Variants in ASNS observed in about 807,000 individuals in gnomAD.
ASNS encodes asparagine synthetase [glutamine-hydrolyzing].
Under a neutral mutation model 62.6 loss-of-function variants are expected in ASNS, and 37 were observed. That is an observed-to-expected ratio of 0.59 (90% CI 0.45 to 0.78). ASNS has a LOEUF of 0.78. ASNS is among the 30% of genes least tolerant of loss of function. The pLI, the probability that ASNS is intolerant of heterozygous loss-of-function variation, is 0.00. For synonymous variants in ASNS, 207 were observed against 237.9 expected (o/e 0.87, Z 1.19); for missense variants, 520 against 682.4 (o/e 0.76, Z 2.65).
intron 2 of ASNS, among the ~76,000 whole-genome samples, chr7:97,869,458 G>T (rs1366024992): frequency 6.6e-6 from 1 of 152,132 alleles, no homozygotes; most frequent in Non-Finnish European, 1.5e-5. Context: ...GGATTTAGTG[G>T]TTGGCTAGAG....
chr7:97,880,458 C>G, the ASNS span, among the ~76,000 whole-genome samples: 17 of 152,244 alleles, frequency 1.1e-4, no homozygotes, highest in South Asian at 2.1e-4. Flanking sequence ...TGAAACAGCC[C>G]AGTGGTCAGC....
the ASNS span, among the ~76,000 whole-genome samples, chr7:97,883,024 T>G: frequency 2.0e-5 from 3 of 152,210 alleles, no homozygotes; most frequent in South Asian, 6.2e-4. Context: ...GGAAGCAAGC[T>G]GGGAGTCAAC....
chr7:97,868,800 T>G, intron 3 of ASNS, 108 bp downstream of exon 3: 1 of 1,481,400 alleles, frequency 6.8e-7, no homozygotes, highest in Non-Finnish European at 9.1e-7. Context: ...ATAACGAACA[T>G]AGAGTGCTTT....
chr7:97,917,374 G>A, the ASNS span, among the ~76,000 whole-genome samples: 3 of 152,202 alleles, frequency 2.0e-5, no homozygotes, highest in Non-Finnish European at 4.4e-5. Context: ...AAGCCCATAT[G>A]CCTTACAGAG....
chr7:97,910,780 T>G, the ASNS span, among the ~76,000 whole-genome samples: 1 of 152,176 alleles, frequency 6.6e-6, no homozygotes, highest in East Asian at 1.9e-4. Context: ...TTTTGTATTT[T>G]TAATAGAGAC....
intron 9 of ASNS, 144 bp from the exon 10 acceptor site, chr7:97,854,824 A>G: frequency 6.9e-7 from 1 of 1,443,042 alleles, no homozygotes. Flanking sequence ...AGAGGTAAGC[A>G]ATGCTTCACA....
chr7:97,907,361 GTCT>G, the ASNS span, among the ~76,000 whole-genome samples: 1 of 152,184 alleles, frequency 6.6e-6, no homozygotes, highest in Non-Finnish European at 1.5e-5. Flanking sequence ...TATAAAAGAA[GTCT>G]TCTTTGAGTG....
chr7:97,859,376 G>A lies in ASNS; in HGVS notation c.510C>T (p.Ser170=), dbSNP rs373164231. ...EAKGLVTLKH[S]ATPFLKVEPF... Reference sequence around the variant, plus strand: ...GCTCCACTTTTAAAAAGGGAGTCGCGGAGTGCTTCAATGTAACAAGACCTA... The same window carrying A: ...GCTCCACTTTTAAAAAGGGAGTCGCAGAGTGCTTCAATGTAACAAGACCTA... Residue 170 remains serine, a synonymous_variant, in exon 5 of 13, where the codon TCC becomes TCT. Coordinates refer to ENST00000394308, the MANE Select transcript of ASNS (RefSeq NM_001673.5). 3.2e-5 allele frequency: 51 copies of A among 1,612,130 alleles called. No homozygotes were observed. The highest frequency in any genetic ancestry group is 4.0e-5 in the African/African-American group (3 of 74,802).
chr7:97,891,733 C>T, the ASNS span, among the ~76,000 whole-genome samples: 9 of 152,288 alleles, frequency 5.9e-5, no homozygotes, highest in South Asian at 1.9e-3. Flanking sequence ...GTCTCACATG[C>T]AGGTCATGCT....
At chr7:97,870,184 CCT>C (rs1351342160) in intron 1 of ASNS, 2 of 963,122 alleles carry the variant, frequency 2.1e-6, no homozygotes, top group East Asian at 3.0e-5. Context: ...GCATTTGGGC[CCT>C]GTTTGGCAGT....
chr7:97,869,387 C>T (rs1176809565), intron 2 of ASNS, among the ~76,000 whole-genome samples: 1 of 152,232 alleles, frequency 6.6e-6, no homozygotes, highest in Non-Finnish European at 1.5e-5. Context: ...ATAGTGACCT[C>T]TACATTCAAC....
intron 4 of ASNS, chr7:97,863,230 T>C (rs1791805896): frequency 6.6e-6 from 1 of 152,224 alleles, no homozygotes; most frequent in African/African-American, 2.4e-5. Context: ...ATGTCCTAAA[T>C]GTCCATCAAC....
At chr7:97,880,056 G>A in the ASNS span, among the ~76,000 whole-genome samples, 1 of 151,818 alleles carries the variant, frequency 6.6e-6, no homozygotes, top group Non-Finnish European at 1.5e-5. Flanking sequence ...TATACCAAAT[G>A]TATTTCTGAC....
At chr7:97,897,082 A>C in the ASNS span, among the ~76,000 whole-genome samples, 1 of 152,136 alleles carries the variant, frequency 6.6e-6, no homozygotes, top group Non-Finnish European at 1.5e-5. Flanking sequence ...AGAAATAAAC[A>C]CAGGAGAAAC....
chr7:97,870,759 G>T (rs1562824705), intron 1 of ASNS, among the ~76,000 whole-genome samples: 1 of 152,094 alleles, frequency 6.6e-6, no homozygotes, highest in Non-Finnish European at 1.5e-5. Context: ...AATCAAGTAT[G>T]GTCATCAGGG....
the ASNS span, among the ~76,000 whole-genome samples, chr7:97,877,697 G>A: frequency 6.6e-6 from 1 of 152,294 alleles, no homozygotes; most frequent in East Asian, 1.9e-4. Flanking sequence ...GGCCATTTGT[G>A]TCTCCTTGGA....
At chr7:97,877,414 T>G (rs889210927), upstream of ASNS, among the ~76,000 whole-genome samples, 1 of 152,158 alleles carries the variant, frequency 6.6e-6, no homozygotes, top group Non-Finnish European at 1.5e-5. Context: ...TATATTACTT[T>G]CCTGTTGGTG....
rs1166271142 is a variant in ASNS at position 97,854,625 on chromosome 7, T to C, written c.1193A>G (p.Tyr398Cys). Residue 398 changes from tyrosine to cysteine, a missense_variant, in exon 10 of 13, where the codon TAT becomes TGT. Tyr to Cys is a radical substitution (Grantham distance 194). Transcript: ENST00000394308. Reference sequence around the variant, plus strand: ...ATCTGCGCGGAGAACATCAAACAAATAGAGTTCCCTCAGAAGCCTCTCACT... The same window carrying C: ...ATCTGCGCGGAGAACATCAAACAAACAGAGTTCCCTCAGAAGCCTCTCACT... The part of the protein sequence containing the change: ...EESERLLREL[Y>C]LFDVLRADRT... The C allele has an allele frequency of 1.5e-5, 25 of 1,614,148 alleles. No homozygotes were observed. The highest frequency in any genetic ancestry group is 2.0e-5 in the Non-Finnish European group (24 of 1,180,012).
chr7:97,902,765 T>C, the ASNS span, among the ~76,000 whole-genome samples: 1 of 152,118 alleles, frequency 6.6e-6, no homozygotes, highest in Non-Finnish European at 1.5e-5. Context: ...CATCTCCATA[T>C]TGCTGACACC....
Sources: allele counts gnomAD v4.1 joint callset (sites outside exome capture counted in the v4.1 genomes callset), GRCh38; gene constraint gnomAD v4.1.1; transcripts MANE v1.5; gene names NCBI Gene and HGNC (gene_info 2026-07-23, HGNC 2026-07-21).